The following FCHSD2 variants were observed in gnomAD, a reference collection of about 807,000 sequenced individuals.
The protein encoded by FCHSD2 is FCH and double SH3 domains 2.
In FCHSD2, 38 loss-of-function variants were observed where a neutral mutation model predicts 108.1. That is an observed-to-expected ratio of 0.35 (90% confidence interval 0.27 to 0.46). FCHSD2 has a LOEUF of 0.46. Among genes scored for constraint, FCHSD2 ranks in the 20% least tolerant of loss-of-function variants. The probability of loss-of-function intolerance (pLI) is 1.00; values close to 1 mark genes in which losing one functional copy is unlikely to be tolerated. For synonymous variants in FCHSD2, 279 were observed against 314.7 expected, an observed-to-expected ratio of 0.89 and a Z score of 1.20; for missense variants, 751 against 897.8, an observed-to-expected ratio of 0.84 and a Z score of 2.09.
chr11:72,968,820 T>A (rs1158199176), intron 8 of FCHSD2, among the ~76,000 whole-genome samples: 1 of 152,216 alleles, frequency 6.6e-6, no homozygotes, highest in African/African-American at 2.4e-5. Flanking sequence ...CCAAGGTTCA[T>A]CCTTTGACCA....
At chr11:73,056,840 T>C (rs1591519211) in intron 3 of FCHSD2, among the ~76,000 whole-genome samples, 1 of 152,164 alleles carries the variant, frequency 6.6e-6, no homozygotes, top group Admixed American at 6.5e-5. Context: ...CCCAGCACTT[T>C]GGGAGGCCAA....
intron 3 of FCHSD2, among the ~76,000 whole-genome samples, chr11:73,035,150 T>TTATGTATGTATGTATGTATG (rs200439027): frequency 2.1e-5 from 3 of 143,940 alleles, no homozygotes; most frequent in East Asian, 2.0e-4. Context: ...GTTTTTATTT[T>TTATGTATGTATGTATGTATG]TATGTATGTA....
chr11:73,108,906 T>G (rs1259004027), intron 2 of FCHSD2, among the ~76,000 whole-genome samples: 1 of 152,238 alleles, frequency 6.6e-6, no homozygotes, highest in Non-Finnish European at 1.5e-5. Flanking sequence ...GATTTGGTTT[T>G]TATATATGGC....
At chr11:73,006,583 A>C (rs1301250251) in intron 4 of FCHSD2, among the ~76,000 whole-genome samples, 2 of 152,244 alleles carry the variant, frequency 1.3e-5, no homozygotes, top group African/African-American at 4.8e-5. Context: ...TTACTGCAAC[A>C]GTCTCCTACC....
intron 8 of FCHSD2, among the ~76,000 whole-genome samples, chr11:72,940,025 G>A (rs1856383631): frequency 6.6e-6 from 1 of 152,118 alleles, no homozygotes; most frequent in African/African-American, 2.4e-5. Context: ...AGTGTTTTAT[G>A]CGGCAGTGTT....
At chr11:73,042,911 G>C (rs1040882396) in intron 3 of FCHSD2, among the ~76,000 whole-genome samples, 3 of 152,024 alleles carry the variant, frequency 2.0e-5, no homozygotes, top group Non-Finnish European at 4.4e-5. Context: ...TTTGTATCCT[G>C]CAATTCTACT....
intron 3 of FCHSD2, among the ~76,000 whole-genome samples, chr11:73,033,074 G>A (rs1479204253): frequency 6.6e-6 from 1 of 152,054 alleles, no homozygotes; most frequent in Non-Finnish European, 1.5e-5. Context: ...GGATCATGAG[G>A]TCAGGAGATC....
chr11:73,071,095 T>C (rs1018240204), intron 3 of FCHSD2, among the ~76,000 whole-genome samples: 4 of 152,204 alleles, frequency 2.6e-5, no homozygotes, highest in Non-Finnish European at 5.9e-5. Flanking sequence ...TACTAAAAGA[T>C]GGTCTACCAA....
At chr11:73,044,534 G>A (rs1340717858) in intron 3 of FCHSD2, among the ~76,000 whole-genome samples, 1 of 152,174 alleles carries the variant, frequency 6.6e-6, no homozygotes, top group Non-Finnish European at 1.5e-5. Context: ...CTATGATCAT[G>A]CCATTGCACT....
Position 73,142,113 on chromosome 11 carries a change from C to G in FCHSD2, c.-236G>C, listed in dbSNP as rs1591590397. On this transcript the variant is annotated 5_prime_UTR_variant, in exon 1 of 20. Coordinates refer to ENST00000409418, the MANE Select transcript of FCHSD2 (RefSeq NM_014824.3). ...CGGGAAGGCTTGGGGCCCGGGCGGC[C>G]CGGGCGGCCCGGGGGTGTGTGAGGA... 1 of 421,714 alleles carries G rather than the reference C, an allele frequency of 2.4e-6. No individual in the cohort carries two copies. The highest frequency in any genetic ancestry group is 4.2e-6 in the Non-Finnish European group (1 of 235,966). 26.1% of individuals were successfully genotyped at this position (421,714 alleles called of 1,614,324 possible). A position where few individuals can be genotyped will look rare whatever the true frequency, so the allele number is the denominator to read the frequency against.
At chr11:72,966,225 T>C (rs539792940) in intron 8 of FCHSD2, among the ~76,000 whole-genome samples, 2 of 150,630 alleles carry the variant, frequency 1.3e-5, no homozygotes, top group Admixed American at 6.6e-5. Flanking sequence ...AGTGGTGCGA[T>C]GTCGGCTCAC....
At chr11:72,938,626 T>C (rs1856351106) in intron 8 of FCHSD2, among the ~76,000 whole-genome samples, 1 of 152,184 alleles carries the variant, frequency 6.6e-6, no homozygotes, top group Non-Finnish European at 1.5e-5. Flanking sequence ...AGGCATCTTC[T>C]AGCAGGTAGT....
intron 3 of FCHSD2, among the ~76,000 whole-genome samples, chr11:73,073,727 C>T (rs779823561): frequency 7.9e-5 from 12 of 152,132 alleles, no homozygotes; most frequent in Non-Finnish European, 1.5e-4. Context: ...TCATTCTTTT[C>T]CAGTTGGCCA....
chr11:72,882,142 C>CA (rs943533586), intron 12 of FCHSD2, among the ~76,000 whole-genome samples: 35 of 140,296 alleles, frequency 2.5e-4, no homozygotes, highest in Non-Finnish European at 3.7e-4. Flanking sequence ...GACTCCGTCT[C>CA]AAAAAAAAAG....
intron 8 of FCHSD2, among the ~76,000 whole-genome samples, chr11:72,957,675 T>C (rs1332924637): frequency 6.6e-6 from 1 of 151,950 alleles, no homozygotes; most frequent in Non-Finnish European, 1.5e-5. Flanking sequence ...GTTGATTTCC[T>C]GATTTGGATA....
intron 8 of FCHSD2, among the ~76,000 whole-genome samples, chr11:72,951,412 A>G (rs977567221): frequency 6.6e-6 from 1 of 152,224 alleles, no homozygotes; most frequent in Admixed American, 6.5e-5. Context: ...AGAGCGACAG[A>G]TTACGCAGCT....
chr11:73,118,141 A>G (rs1860647179), intron 2 of FCHSD2, among the ~76,000 whole-genome samples: 1 of 152,166 alleles, frequency 6.6e-6, no homozygotes, highest in Non-Finnish European at 1.5e-5. Flanking sequence ...CAACATGGTA[A>G]CACCCCATCT....
intron 12 of FCHSD2, among the ~76,000 whole-genome samples, chr11:72,882,023 T>C (rs1179502108): frequency 6.6e-6 from 1 of 152,132 alleles, no homozygotes; most frequent in Non-Finnish European, 1.5e-5. Flanking sequence ...CGGGCGCCTG[T>C]AGTCCCGGCT....
chr11:72,991,531 TC>T (rs1227581321), intron 5 of FCHSD2, among the ~76,000 whole-genome samples: 3 of 152,138 alleles, frequency 2.0e-5, no homozygotes, highest in African/African-American at 7.2e-5. Context: ...GTGGGCTTCA[TC>T]CCCGGGATGC....
Sources: allele counts gnomAD v4.1 joint callset (sites outside exome capture counted in the v4.1 genomes callset), GRCh38; gene constraint gnomAD v4.1.1; transcripts MANE v1.5; gene names NCBI Gene and HGNC (gene_info 2026-07-23, HGNC 2026-07-21).